Variants in EHMT1 observed in about 807,000 individuals in gnomAD.
EHMT1 encodes euchromatic histone lysine methyltransferase 1, also known as histone-lysine N-methyltransferase EHMT1.
In EHMT1, 15 loss-of-function variants were observed where a neutral mutation model predicts 147.2. The observed-to-expected ratio is 0.10, with a 90% CI of 0.07 to 0.16. EHMT1 has a LOEUF of 0.16. Among genes scored for constraint, EHMT1 ranks in the 10% least tolerant of loss-of-function variants. The probability of loss-of-function intolerance (pLI) is 1.00; values close to 1 mark genes in which losing one functional copy is unlikely to be tolerated. For synonymous variants in EHMT1, 795 were observed against 709.6 expected, an observed-to-expected ratio of 1.12 and a Z score of -1.91; for missense variants, 1,587 against 1,772.4, an observed-to-expected ratio of 0.90 and a Z score of 1.88.
intron 10 of EHMT1, among the ~76,000 whole-genome samples, chr9:137,766,444 A>G (rs1286189171): frequency 6.6e-6 from 1 of 152,132 alleles, no homozygotes; most frequent in Non-Finnish European, 1.5e-5. Context: ...GGGAAACACC[A>G]TCTCTACTGA....
In EHMT1 at chr9:137,828,108, T is replaced by C. The variant is rs1439667200; in HGVS notation, c.3541-6241T>C. ...ACGCAGTGGGAGGCCATGGGCAAGG[T>C]TGATGGCCCATGGGGGCGGCCCCTT... On this transcript the variant is annotated intron_variant, in intron 25 of 26. Coordinates refer to ENST00000460843, the MANE Select transcript of EHMT1 (RefSeq NM_024757.5). This position sits in a 1 kb window ranked among gnomAD's most constrained non-coding sequence, Gnocchi z 5.3. Among the ~76,000 whole-genome samples, 2 of 151,944 alleles carry C rather than the reference T, an allele frequency of 1.3e-5. No individual in the cohort carries two copies. Among genetic ancestry groups the C allele is most frequent in the East Asian group, 1.9e-4 (1 of 5,142 alleles).
chr9:137,644,019 G>A, intron 1 of EHMT1, among the ~76,000 whole-genome samples: 1 of 152,156 alleles, frequency 6.6e-6, no homozygotes, highest in South Asian at 2.1e-4. Context: ...TGGATTAAAG[G>A]GACAGCACTT....
At chr9:137,834,238 G>A in intron 25 of EHMT1, 111 bp from the exon 26 acceptor site, 1 of 1,413,354 alleles carries the variant, frequency 7.1e-7, no homozygotes, top group Admixed American at 2.0e-5. Flanking sequence ...CCTGCATGGC[G>A]GGCCTGCGCC....
intron 1 of EHMT1, among the ~76,000 whole-genome samples, chr9:137,622,219 A>G (rs1842982824): frequency 6.7e-6 from 1 of 149,438 alleles, no homozygotes; most frequent in South Asian, 2.1e-4. Context: ...CCCGGATTCA[A>G]GTGATTCTTG....
chr9:137,734,191 T>G (rs1429834450), intron 4 of EHMT1, among the ~76,000 whole-genome samples: 2 of 152,098 alleles, frequency 1.3e-5, no homozygotes, highest in South Asian at 2.1e-4. Flanking sequence ...GACAAAGACT[T>G]TAAAGTAACT....
chr9:137,688,344 C>T (rs1476395083), intron 1 of EHMT1, among the ~76,000 whole-genome samples: 1 of 152,170 alleles, frequency 6.6e-6, no homozygotes, highest in African/African-American at 2.4e-5. Flanking sequence ...CTTGAAATTT[C>T]ATTTTTATAT....
At chr9:137,788,243 T>TA in intron 15 of EHMT1, 1 of 466,088 alleles carries the variant, frequency 2.1e-6, no homozygotes, top group East Asian at 3.3e-5. Flanking sequence ...TGGAGTCCCC[T>TA]AGCAGGGACT....
Position 137,777,990 on chromosome 9 carries a change from C to T in EHMT1, c.2127C>T (p.Pro709=), listed in dbSNP as rs150501660. ...TGPAGLGRPT[P]GLSQGPGKET... ...CTGCTGGGCTTGGGAGGCCAACTCCCGGCCTTTCCCAGGGACCAGGGAAGG... is the reference window on the plus strand; with the variant it reads ...CTGCTGGGCTTGGGAGGCCAACTCCTGGCCTTTCCCAGGGACCAGGGAAGG... Residue 709 remains proline (P), a synonymous_variant, in exon 13 of 27, where the codon CCC becomes CCT. Coordinates refer to ENST00000460843, the MANE Select transcript of EHMT1 (RefSeq NM_024757.5). The T allele has an allele frequency of 9.9e-5, 159 of 1,613,902 alleles. No individual in the cohort carries two copies. Among genetic ancestry groups the T allele is most frequent in the Non-Finnish European group, 1.2e-4 (144 of 1,180,020 alleles).
intron 16 of EHMT1, among the ~76,000 whole-genome samples, chr9:137,793,828 G>A (rs1018388572): frequency 2.6e-5 from 4 of 152,184 alleles, no homozygotes; most frequent in Admixed American, 2.0e-4. Context: ...AGAAGCCATC[G>A]AGAGTAGGGA....
Position 137,809,697 on chromosome 9 carries a change from G to T in EHMT1, c.2713-1764G>T, listed in dbSNP as rs915414408. Among the ~76,000 whole-genome samples the T allele has an allele frequency of 4.6e-5, 7 of 152,366 alleles. No individual in the cohort carries two copies. The South Asian group carries it at 1.0e-3, about 23-fold the overall frequency. The stretch of plus-strand genomic sequence containing the variant: ...TTAATCCAGCAATCCTGCCTCTGAG[G>T]ATGCATCCTTGAGAAATAATGTAGA... On this transcript the variant is annotated intron_variant, in intron 18 of 26. Transcript: ENST00000460843.
At chr9:137,628,145 G>A (rs532789462) in intron 1 of EHMT1, among the ~76,000 whole-genome samples, 1 of 152,320 alleles carries the variant, frequency 6.6e-6, no homozygotes, top group African/African-American at 2.4e-5. Context: ...CTTTGTAGTT[G>A]CAGGCATCAC....
At chr9:137,774,394 A>G (rs1222735620) in intron 10 of EHMT1, among the ~76,000 whole-genome samples, 443 of 54,772 alleles carry the variant, frequency 8.1e-3, no homozygotes, top group African/African-American at 9.4e-3. Flanking sequence ...GGATCTGGTG[A>G]GTGTGGTCGC....
At chr9:137,754,570 T>C (rs1949228961) in intron 8 of EHMT1, among the ~76,000 whole-genome samples, 1 of 152,130 alleles carries the variant, frequency 6.6e-6, no homozygotes, top group African/African-American at 2.4e-5. Flanking sequence ...TGGAGCGCAG[T>C]GGCACGATCT....
chr9:137,688,902 CT>C (rs1564590532), intron 1 of EHMT1, among the ~76,000 whole-genome samples: 1 of 152,138 alleles, frequency 6.6e-6, no homozygotes, highest in East Asian at 1.9e-4. Flanking sequence ...CTCTTCTGAG[CT>C]CTGATCTGCT....
At chr9:137,798,428 A>C in intron 16 of EHMT1, among the ~76,000 whole-genome samples, 1 of 152,100 alleles carries the variant, frequency 6.6e-6, no homozygotes, top group East Asian at 1.9e-4. Context: ...AAAAAAAAAC[A>C]AGATGTGCCC....
intron 7 of EHMT1, among the ~76,000 whole-genome samples, chr9:137,752,858 C>G (rs982523012): frequency 6.6e-6 from 1 of 152,068 alleles, no homozygotes; most frequent in Non-Finnish European, 1.5e-5. Context: ...TCCGCTGCAT[C>G]GGCTGACGTG....
At chr9:137,768,527 G>GTTTTTTTT (rs1564725367) in intron 10 of EHMT1, among the ~76,000 whole-genome samples, 2 of 28,150 alleles carry the variant, frequency 7.1e-5, no homozygotes, top group Non-Finnish European at 7.8e-5. Context: ...CTAATTTTTT[G>GTTTTTTTT]TATTTTTTTT....
At chr9:137,682,780 G>A (rs931170706) in intron 1 of EHMT1, among the ~76,000 whole-genome samples, 4 of 152,220 alleles carry the variant, frequency 2.6e-5, no homozygotes, top group African/African-American at 9.7e-5. Flanking sequence ...GCTGCACTGA[G>A]ACCCGCAGGC....
chr9:137,667,844 T>C (rs746707629), intron 1 of EHMT1, among the ~76,000 whole-genome samples: 4 of 152,176 alleles, frequency 2.6e-5, no homozygotes, highest in East Asian at 1.9e-4. Context: ...TGAAATCTTA[T>C]AGGAATTTGT....
Sources: gnomAD v4.1 joint callset for allele counts (sites outside exome capture counted in the v4.1 genomes callset) on GRCh38, gnomAD v4.1.1 for gene constraint, Gnocchi (gnomAD v3.1) non-coding constraint, MANE v1.5 for transcripts, NCBI Gene and HGNC (gene_info 2026-07-23, HGNC 2026-07-21) for gene names.